The following ABI3BP variants were observed in gnomAD, a reference collection of about 807,000 sequenced individuals.
ABI3BP encodes the protein ABI family member 3 binding protein.
A neutral mutation model predicts 268.6 loss-of-function variants in ABI3BP; 216 were observed. The ratio of observed to expected loss-of-function variants is 0.80; its 90% CI spans 0.72 to 0.90. The LOEUF is 0.90. ABI3BP is among the 40% of genes least tolerant of loss of function. The pLI is 0.00. For synonymous variants in ABI3BP, 730 were observed against 730.0 expected, an observed-to-expected ratio of 1.00 and a Z score of 0.00; for missense variants, 2,090 against 2,182.4, an observed-to-expected ratio of 0.96 and a Z score of 0.84.
In ABI3BP at chr3:100,872,382, T is replaced by C. The variant is rs552045472; in HGVS notation, c.910+2459A>G. Among the ~76,000 whole-genome samples the C allele has an allele frequency of 2.0e-5, 3 of 152,316 alleles. No individual in the cohort carries two copies. The South Asian group carries it at 6.2e-4, about 32-fold the overall frequency. On this transcript the variant is annotated intron_variant, in intron 9 of 67. Coordinates refer to ENST00000471714, the MANE Select transcript of ABI3BP (RefSeq NM_001375547.2). ...AAGCAAAAATGCTAAATTGGTATTA[T>C]GGTAGCATGTAGAATTTTTAAATTT...
intron 63 of ABI3BP, among the ~76,000 whole-genome samples, chr3:100,756,236 T>C (rs1443055087): frequency 1.3e-5 from 2 of 152,188 alleles, no homozygotes; most frequent in South Asian, 2.1e-4. Flanking sequence ...TTCAAAACTT[T>C]AAAACTGGCC....
intron 13 of ABI3BP, 30 bp from the exon 14 acceptor site, chr3:100,862,415 A>C (rs762352405): frequency 1.3e-6 from 2 of 1,484,668 alleles, no homozygotes; most frequent in Admixed American, 2.4e-5. Context: ...AATTTGCTGA[A>C]GATTTTTTTT....
chr3:100,911,534 A>T, intron 2 of ABI3BP: 1 of 555,350 alleles, frequency 1.8e-6, no homozygotes, highest in Non-Finnish European at 3.3e-6. Flanking sequence ...TCTTGTAATG[A>T]AGCATTACAT....
At chr3:100,963,802 G>T (rs1268167204) in intron 1 of ABI3BP, among the ~76,000 whole-genome samples, 1 of 152,084 alleles carries the variant, frequency 6.6e-6, no homozygotes, top group Non-Finnish European at 1.5e-5. Context: ...TCCTAGGGAG[G>T]CTCTGATTTC....
Position 100,750,538 on chromosome 3 carries a change from A to G in ABI3BP, c.5318T>C (p.Val1773Ala). Residue 1773 changes from valine (V) to alanine (A), a missense_variant, in exon 68 of 68, where the codon GTT becomes GCT. Transcript: ENST00000471714. ...TGTAGTCCCACATTCATACCACTGA[A>G]CATAATTGATTTGGGTGTGACCACC... ...EIGGHTQINYVQWYECGTTIP... is the reference protein window; with the variant it reads ...EIGGHTQINYAQWYECGTTIP... 3 of 1,613,394 alleles carry G rather than the reference A, an allele frequency of 1.9e-6. No homozygotes were observed. The highest frequency in any genetic ancestry group is 2.5e-6 in the Non-Finnish European group (3 of 1,179,500).
At chr3:100,804,476 G>A (rs1275930725) in intron 51 of ABI3BP, among the ~76,000 whole-genome samples, 1 of 152,052 alleles carries the variant, frequency 6.6e-6, no homozygotes, top group East Asian at 1.9e-4. Flanking sequence ...CTTTATCTTT[G>A]TGTTTAGTGA....
At chr3:100,813,491 G>A (rs1325070381) in intron 45 of ABI3BP, among the ~76,000 whole-genome samples, 170 bp downstream of exon 45, 1 of 152,106 alleles carries the variant, frequency 6.6e-6, no homozygotes, top group Non-Finnish European at 1.5e-5. Flanking sequence ...TAATATTAAT[G>A]TATTACTAAT....
intron 14 of ABI3BP, among the ~76,000 whole-genome samples, chr3:100,852,274 G>A (rs950347427): frequency 6.6e-6 from 1 of 152,328 alleles, no homozygotes; most frequent in Middle Eastern, 3.4e-3. Flanking sequence ...AATAAAGTCA[G>A]ATGGCAGTTT....
At chr3:100,881,739 A>T (rs562533784) in intron 6 of ABI3BP, among the ~76,000 whole-genome samples, 16 of 152,018 alleles carry the variant, frequency 1.1e-4, no homozygotes. Flanking sequence ...ATGGATCTCA[A>T]GTGATTTATT....
At chr3:100,972,988 C>T (rs964745472) in intron 1 of ABI3BP, among the ~76,000 whole-genome samples, 2 of 152,182 alleles carry the variant, frequency 1.3e-5, no homozygotes, top group African/African-American at 4.8e-5. Flanking sequence ...TTTCAGCTCT[C>T]AGACTGTAAA....
At chr3:100,783,238 G>A (rs1446228899) in intron 57 of ABI3BP, among the ~76,000 whole-genome samples, 2 of 152,176 alleles carry the variant, frequency 1.3e-5, no homozygotes, top group Non-Finnish European at 2.9e-5. Context: ...GGAGCCAGCA[G>A]GCTGGAAGAT....
At chr3:100,788,679 T>C (rs1234891768) in intron 56 of ABI3BP, among the ~76,000 whole-genome samples, 7 of 152,072 alleles carry the variant, frequency 4.6e-5, no homozygotes, top group African/African-American at 7.2e-5. Context: ...CCCAATTATC[T>C]TTAGAAGTTG....
At chr3:100,905,731 A>G (rs1160075159) in intron 2 of ABI3BP, among the ~76,000 whole-genome samples, 1 of 152,188 alleles carries the variant, frequency 6.6e-6, no homozygotes, top group Non-Finnish European at 1.5e-5. Context: ...CAGTAATTTC[A>G]CTTAGGAATT....
At position 100,775,321 on chromosome 3, in the gene ABI3BP, C is replaced by A. The variant is rs1161650504; in HGVS notation, c.4348G>T (p.Gly1450Cys). ...CTCAGGGGTGGTGTAGTTATTGGGC[C>A]TGATGAAATGATTCCTGTAAAGTAG... ...KPGSAGIISS[G>C]PITTPPLRST... is the part of the protein sequence containing the mutation. Residue 1450 changes from glycine to cysteine, a missense_variant, in exon 60 of 68, where the codon GGC becomes TGC. Physicochemically the swap from Gly to Cys is radical, Grantham distance 159 (BLOSUM62 -3). Transcript: ENST00000471714. 1 of 1,605,688 alleles carries A rather than the reference C, an allele frequency of 6.2e-7. No homozygotes were observed. The highest frequency in any genetic ancestry group is 1.3e-5 in the African/African-American group (1 of 74,748).
chr3:100,856,318 G>A (rs575235752), intron 14 of ABI3BP, among the ~76,000 whole-genome samples: 13 of 152,270 alleles, frequency 8.5e-5, no homozygotes, highest in African/African-American at 2.9e-4. Flanking sequence ...ACTCAATACA[G>A]ATGCAATTTA....
At chr3:100,837,383 G>A (rs1048261922) in intron 26 of ABI3BP, 1 of 451,542 alleles carries the variant, frequency 2.2e-6, no homozygotes, top group Non-Finnish European at 3.9e-6. Flanking sequence ...AATTTCAACT[G>A]CAAAACAGTT....
chr3:100,943,274 C>A (rs542055168), intron 1 of ABI3BP, among the ~76,000 whole-genome samples: 1 of 152,126 alleles, frequency 6.6e-6, no homozygotes, highest in Non-Finnish European at 1.5e-5. Flanking sequence ...CTCTCCATCC[C>A]TCTGTCCATC....
At chr3:100,763,444 CA>C (rs2096085949) in intron 63 of ABI3BP, among the ~76,000 whole-genome samples, 1 of 141,326 alleles carries the variant, frequency 7.1e-6, no homozygotes. Context: ...GCCTGGGTGA[CA>C]AGAGCAAGAC....
chr3:100,876,636 G>A (rs1466034231), intron 6 of ABI3BP, 76 bp from the exon 7 acceptor site: 1 of 1,321,692 alleles, frequency 7.6e-7, no homozygotes, highest in African/African-American at 1.5e-5. Context: ...TCGGAGAACT[G>A]GAAGTAGCCC....
Sources: allele counts gnomAD v4.1 joint callset (sites outside exome capture counted in the v4.1 genomes callset), GRCh38; gene constraint gnomAD v4.1.1; transcripts MANE v1.5; gene names NCBI Gene and HGNC (gene_info 2026-07-23, HGNC 2026-07-21).